Variants in MACROD2 observed in about 807,000 individuals in gnomAD.
MACROD2 encodes mono-ADP ribosylhydrolase 2.
A neutral mutation model predicts 70.4 loss-of-function variants in MACROD2; 36 were observed. The ratio of observed to expected loss-of-function variants is 0.51; its 90% CI spans 0.39 to 0.68. The LOEUF is 0.68. MACROD2 is among the 30% of genes least tolerant of loss of function. MACROD2 has a pLI of 0.00. For missense variants in MACROD2, 496 were observed against 538.4 expected, an observed-to-expected ratio of 0.92 and a Z score of 0.78; for synonymous variants, 172 against 178.8, an observed-to-expected ratio of 0.96 and a Z score of 0.30.
chr20:15,584,093 A>G (rs1054046076), intron 8 of MACROD2, among the ~76,000 whole-genome samples: 1 of 152,260 alleles, frequency 6.6e-6, no homozygotes, highest in Non-Finnish European at 1.5e-5. Flanking sequence ...AACGACTCCA[A>G]AGATTTTACC....
intron 5 of MACROD2, among the ~76,000 whole-genome samples, chr20:15,144,720 A>C (rs775723164): frequency 6.6e-6 from 1 of 152,164 alleles, no homozygotes; most frequent in Non-Finnish European, 1.5e-5. Flanking sequence ...TTAATGACAA[A>C]TGTTATGTCC....
intron 7 of MACROD2, among the ~76,000 whole-genome samples, chr20:15,469,692 G>A (rs2046939892): frequency 6.6e-6 from 1 of 152,158 alleles, no homozygotes; most frequent in East Asian, 1.9e-4. Flanking sequence ...CAAAGAGCAT[G>A]TCCAGAAGAC....
chr20:14,048,996 A>G (rs1041309939), intron 2 of MACROD2, among the ~76,000 whole-genome samples: 1 of 152,070 alleles, frequency 6.6e-6, no homozygotes, highest in Non-Finnish European at 1.5e-5. Flanking sequence ...TTCATGGTAT[A>G]CTATGCAAAG....
At chr20:15,786,797 A>C (rs537306224) in intron 8 of MACROD2, among the ~76,000 whole-genome samples, 2 of 152,322 alleles carry the variant, frequency 1.3e-5, no homozygotes, top group East Asian at 3.9e-4. Context: ...AGCAGATAAA[A>C]CAACAATGGG....
At chr20:15,324,462 G>A (rs141149660) in intron 6 of MACROD2, among the ~76,000 whole-genome samples, 5 of 152,228 alleles carry the variant, frequency 3.3e-5, no homozygotes, top group Non-Finnish European at 7.3e-5. Context: ...AGCAGCTAAC[G>A]CCTGTTTTGT....
At chr20:14,466,850 A>G (rs994553436) in intron 3 of MACROD2, among the ~76,000 whole-genome samples, 3 of 152,032 alleles carry the variant, frequency 2.0e-5, no homozygotes, top group African/African-American at 7.3e-5. Context: ...AGAACAGCAG[A>G]TATTGGTGAA....
Position 14,634,290 on chromosome 20 carries a change from A to G in MACROD2, c.302-50553A>G, listed in dbSNP as rs1984667503. 3.3e-5 allele frequency among the ~76,000 whole-genome samples: 5 copies of G among 152,352 alleles called. No individual in the cohort carries two copies. The South Asian group carries it at 6.2e-4, about 19-fold the overall frequency. ...CTTGTCATCCCTTTGGAGGATGGAC[A>G]CTGAATGAGCAAAGATGATGCCTTG... On this transcript the variant is annotated intron_variant, in intron 4 of 17. Coordinates refer to ENST00000684519, the MANE Select transcript of MACROD2 (RefSeq NM_001351661.2).
At chr20:15,831,600 G>A (rs367967772) in intron 8 of MACROD2, among the ~76,000 whole-genome samples, 100 of 152,206 alleles carry the variant, frequency 6.6e-4, no homozygotes, top group African/African-American at 2.3e-3. Context: ...TTCAGCCCCT[G>A]CCCAGCTTGG....
intron 4 of MACROD2, among the ~76,000 whole-genome samples, chr20:14,543,589 ACTTC>A (rs2085458531): frequency 6.6e-6 from 1 of 152,180 alleles, no homozygotes; most frequent in African/African-American, 2.4e-5. Flanking sequence ...ACATTTAGAA[ACTTC>A]TATTTTACAG....
chr20:15,623,725 T>C (rs2049162133), intron 8 of MACROD2, among the ~76,000 whole-genome samples: 1 of 147,278 alleles, frequency 6.8e-6, no homozygotes, highest in African/African-American at 2.5e-5. Flanking sequence ...TCTATCGATG[T>C]GTCTATGTAT....
At chr20:14,351,979 A>G (rs553354363) in intron 3 of MACROD2, among the ~76,000 whole-genome samples, 1 of 152,316 alleles carries the variant, frequency 6.6e-6, no homozygotes, top group East Asian at 1.9e-4. Flanking sequence ...AGCAATTGAA[A>G]TGATCAGATA....
intron 7 of MACROD2, among the ~76,000 whole-genome samples, chr20:15,466,057 CAG>C (rs10617233): frequency 0.024 from 3,676 of 152,218 alleles, 154 homozygotes; most frequent in African/African-American, 0.082. Flanking sequence ...GGAAATGAAA[CAG>C]AGTTATGTAA....
chr20:15,699,490 A>G (rs1382165566), intron 8 of MACROD2, among the ~76,000 whole-genome samples: 4 of 152,086 alleles, frequency 2.6e-5, no homozygotes, highest in African/African-American at 9.7e-5. Context: ...GGAGGGTGCA[A>G]TGGAATCCGT....
intron 3 of MACROD2, among the ~76,000 whole-genome samples, chr20:14,250,626 A>G (rs2082004711): frequency 6.6e-6 from 1 of 152,140 alleles, no homozygotes; most frequent in African/African-American, 2.4e-5. Context: ...GCATTGTCTG[A>G]TTCCCTTATT....
chr20:15,898,749 C>T (rs2065014905), intron 10 of MACROD2, among the ~76,000 whole-genome samples: 1 of 151,818 alleles, frequency 6.6e-6, no homozygotes, highest in Non-Finnish European at 1.5e-5. Flanking sequence ...ATTTCAGTGC[C>T]TGCTTAGAAC....
At chr20:14,159,711 T>C (rs1479225062) in intron 3 of MACROD2, among the ~76,000 whole-genome samples, 1 of 152,180 alleles carries the variant, frequency 6.6e-6, no homozygotes, top group African/African-American at 2.4e-5. Flanking sequence ...TGGATGTCTT[T>C]TCTTTGTTTC....
rs961062688 is a variant in MACROD2, at chr20:15,262,313, G to A, written c.540+32252G>A. On this transcript the variant is annotated intron_variant, in intron 6 of 17. Transcript: ENST00000684519. ...GAACATGTAAAGCTTGTCTTTCTGT[G>A]CCTGGCTTATTTCACTTAACACAAT... is the stretch of plus-strand genomic sequence containing the variant. 2.6e-4 allele frequency among the ~76,000 whole-genome samples: 40 copies of A among 151,946 alleles called. 1 individual carries two copies. The highest frequency in any genetic ancestry group is 2.5e-3 in the Admixed American group (38 of 15,234).
intron 9 of MACROD2, among the ~76,000 whole-genome samples, chr20:15,869,238 T>TATATATATATATATATAGAGAG: frequency 7.8e-4 from 22 of 28,280 alleles, no homozygotes; most frequent in East Asian, 9.4e-4. Flanking sequence ...TATATATATA[T>TATATATATATATATATAGAGAG]AGAGAGAGAG....
chr20:15,023,311 T>C (rs1357507931), intron 5 of MACROD2, among the ~76,000 whole-genome samples: 1 of 152,202 alleles, frequency 6.6e-6, no homozygotes, highest in Non-Finnish European at 1.5e-5. Flanking sequence ...CAGAAAACTC[T>C]GAGAGGCTTA....
Sources: gnomAD v4.1 joint callset for allele counts (sites outside exome capture counted in the v4.1 genomes callset) on GRCh38, gnomAD v4.1.1 for gene constraint, MANE v1.5 for transcripts, NCBI Gene and HGNC (gene_info 2026-07-23, HGNC 2026-07-21) for gene names.